TRPC3: variants seen among roughly 807,000 people sequenced by gnomAD.
TRPC3 encodes the protein transient receptor potential cation channel subfamily C member 3, also known as short transient receptor potential channel 3.
A neutral mutation model predicts 90.9 loss-of-function variants in TRPC3; 54 were observed. The ratio of observed to expected loss-of-function variants is 0.59; its 90% confidence interval spans 0.48 to 0.75. The LOEUF (loss-of-function observed/expected upper bound fraction) is 0.75. TRPC3 is among the 30% of genes least tolerant of loss of function. TRPC3 has a pLI of 0.00. For synonymous variants in TRPC3, 424 were observed against 450.9 expected (o/e 0.94, Z 0.75); for missense variants, 918 against 1,194.5 (o/e 0.77, Z 3.41).
chr4:121,899,676 G>T lies in TRPC3; in HGVS notation c.2483C>A (p.Ser828Tyr). 6.2e-7 allele frequency: 1 copy of T among 1,613,262 alleles called. No homozygotes were observed. The highest frequency in any genetic ancestry group is 1.1e-5 in the South Asian group (1 of 91,036). ...SKSRLNLFTQ[S>Y]NSRVFESHSF... Reference sequence around the variant, plus strand: ...GTGTGATTCAAAAACTCTTGAGTTAGACTGAGTGAAGAGGTTTAACTAGGA... The same window carrying T: ...GTGTGATTCAAAAACTCTTGAGTTATACTGAGTGAAGAGGTTTAACTAGGA... The change falls in exon 10 of 12, where the codon TCT (serine) becomes TAT (tyrosine). Residue 828 changes from serine (S) to tyrosine (Y), a missense_variant. Coordinates refer to ENST00000379645, the MANE Select transcript of TRPC3 (RefSeq NM_001130698.2).
chr4:121,933,002 T>G lies in TRPC3; in HGVS notation c.256A>C (p.Met86Leu). 6.2e-7 allele frequency: 1 copy of G among 1,605,830 alleles called. No individual in the cohort carries two copies. The highest frequency in any genetic ancestry group is 8.5e-7 in the Non-Finnish European group (1 of 1,175,172). The change falls in exon 2 of 12, where the codon ATG becomes CTG. Residue 86 changes from methionine (M) to leucine (L), a missense_variant. This residue lies in a region of TRPC3 where 609 missense variants were observed against 725.9 expected (regional missense o/e 0.84). Coordinates refer to ENST00000379645, the MANE Select transcript of TRPC3 (RefSeq NM_001130698.2). ...GCCTGGCGCCGGCCCTTCTCCCGCA[T>G]CACTGTCATGCGTCTCAGGGATGGG... ...GSPSLRRMTV[M>L]REKGRRQAVR...
In TRPC3 at chr4:121,878,328, A is replaced by G. The variant is rs1183721956; in HGVS notation, c.*1408T>C. Among the ~76,000 whole-genome samples, 2 of 152,222 alleles carry G rather than the reference A, an allele frequency of 1.3e-5. No individual in the cohort carries two copies. The highest frequency in any genetic ancestry group is 4.8e-5 in the African/African-American group (2 of 41,458). On this transcript the variant is annotated 3_prime_UTR_variant, in exon 12 of 12. Transcript: ENST00000379645. ...CTTATTTCTGTCTTCATGTCTAAAG[A>G]GCTTTTCTGCATGATAGCAATGATT...
chr4:121,924,930 T>C (rs1259348331), intron 3 of TRPC3, 88 bp downstream of exon 3: 14 of 1,410,398 alleles, frequency 9.9e-6, no homozygotes, highest in Non-Finnish European at 1.3e-5. Flanking sequence ...TCTAGTCTTA[T>C]TATTTTAATA....
In TRPC3 at chr4:121,882,229, C is replaced by T. The variant is rs181289354; in HGVS notation, c.2623+125G>A. ...TTTAGAAACGTAACATAAGATCCTC[C>T]TCCCATCTTAGAGGCATCCAAACTA... On this transcript the variant is annotated intron_variant, in intron 11 of 11. Coordinates refer to ENST00000379645, the MANE Select transcript of TRPC3 (RefSeq NM_001130698.2). 2,127 of 699,978 alleles carry T rather than the reference C, an allele frequency of 3.0e-3. 7 individuals carry two copies. The highest frequency in any genetic ancestry group is 0.012 in the Middle Eastern group (29 of 2,340). 43.4% of individuals were successfully genotyped at this position (699,978 alleles called of 1,614,324 possible). A position where few individuals can be genotyped will look rare whatever the true frequency, so the allele number is the denominator to read the frequency against.
intron 10 of TRPC3, among the ~76,000 whole-genome samples, chr4:121,885,984 G>C (rs1252094366): frequency 6.6e-6 from 1 of 152,160 alleles, no homozygotes; most frequent in Non-Finnish European, 1.5e-5. Context: ...CCTAGAGAGA[G>C]GTTCCAAAAC....
In TRPC3 at chr4:121,879,631, T is replaced by C. The variant is rs200676578; in HGVS notation, c.*105A>G. On this transcript the variant is annotated 3_prime_UTR_variant, in exon 12 of 12. Transcript: ENST00000379645. Reference sequence around the variant, plus strand: ...CTTTTAAAGGTTCACATGATAAAGGTAGTTAATACTAAAAATTTACATCAT... The same window carrying C: ...CTTTTAAAGGTTCACATGATAAAGGCAGTTAATACTAAAAATTTACATCAT... 1.3e-5 allele frequency: 16 copies of C among 1,210,296 alleles called. No individual in the cohort carries two copies. Among genetic ancestry groups the C allele is most frequent in the Admixed American group, 2.5e-5 (1 of 39,836 alleles). The allele number at this position is 1,210,296 out of a possible 1,614,324, so 75.0% of individuals were successfully genotyped here. A position where few individuals can be genotyped will look rare whatever the true frequency, so the allele number is the denominator to read the frequency against.
chr4:121,947,510 T>C (rs1349867140), intron 1 of TRPC3, among the ~76,000 whole-genome samples: 1 of 152,232 alleles, frequency 6.6e-6, no homozygotes, highest in Non-Finnish European at 1.5e-5. Context: ...TAATCTGAGT[T>C]ACAAGGCATT....
intron 10 of TRPC3, among the ~76,000 whole-genome samples, chr4:121,890,890 C>T (rs1218872299): frequency 6.6e-6 from 1 of 152,002 alleles, no homozygotes; most frequent in Non-Finnish European, 1.5e-5. Context: ...ACTTGGGAGG[C>T]TGAGGCAGGA....
chr4:121,945,026 CT>C (rs1730437984), intron 1 of TRPC3, among the ~76,000 whole-genome samples: 1 of 152,106 alleles, frequency 6.6e-6, no homozygotes, highest in South Asian at 2.1e-4. Flanking sequence ...AGATGAAATC[CT>C]TTCAAATTCA....
intron 7 of TRPC3, among the ~76,000 whole-genome samples, chr4:121,906,148 A>C (rs1728872298): frequency 6.6e-6 from 1 of 152,102 alleles, no homozygotes; most frequent in Non-Finnish European, 1.5e-5. Flanking sequence ...GACCTTATTT[A>C]AACTTTATTG....
Position 121,879,528 on chromosome 4 carries a change from G to A in TRPC3, c.*208C>T, listed in dbSNP as rs1560680361. 2 of 526,010 alleles carry A rather than the reference G, an allele frequency of 3.8e-6. No individual in the cohort carries two copies. The highest frequency in any genetic ancestry group is 6.4e-6 in the Non-Finnish European group (2 of 311,922). The allele number at this position is 526,010 out of a possible 1,614,324, so 32.6% of individuals were successfully genotyped here. A position where few individuals can be genotyped will look rare whatever the true frequency, so the allele number is the denominator to read the frequency against. ...GTAATATTGGGCTTTTCAACACAATGGTATGCCACTGTAATGTCAAAGCAG... is the reference window on the plus strand; with the variant it reads ...GTAATATTGGGCTTTTCAACACAATAGTATGCCACTGTAATGTCAAAGCAG... On this transcript the variant is annotated 3_prime_UTR_variant, in exon 12 of 12. Transcript: ENST00000379645.
At position 121,882,380 on chromosome 4, in the gene TRPC3, T is replaced by C; in HGVS notation, c.2597A>G (p.Asp866Gly). The C allele has an allele frequency of 6.2e-7, 1 of 1,610,424 alleles. No individual in the cohort carries two copies. The highest frequency in any genetic ancestry group is 8.5e-7 in the Non-Finnish European group (1 of 1,178,772). Residue 866 changes from aspartate (D) to glycine (G), a missense_variant, in exon 11 of 12, where the codon GAC becomes GGC. Around this residue, in one of 4 missense-constraint regions of TRPC3, gnomAD observed 41 missense variants for 69.4 expected, o/e 0.59. Coordinates refer to ENST00000379645, the MANE Select transcript of TRPC3 (RefSeq NM_001130698.2). Reference sequence around the variant, plus strand: ...TTCATTAACTTCATCATTTTCTTTGTCTACTTGTGCTTTCAAAACATACCG... The same window carrying C: ...TTCATTAACTTCATCATTTTCTTTGCCTACTTGTGCTTTCAAAACATACCG... ...IKRYVLKAQV[D>G]KENDEVNEGE... is the part of the protein sequence containing the mutation.
chr4:121,918,402 T>C (rs1729393983), intron 3 of TRPC3, among the ~76,000 whole-genome samples: 2 of 152,246 alleles, frequency 1.3e-5, no homozygotes, highest in Non-Finnish European at 2.9e-5. Flanking sequence ...CATATCTCCC[T>C]TTCCTACTCC....
Position 121,937,166 on chromosome 4 carries a change from G to T in TRPC3, c.216-4124C>A, listed in dbSNP as rs145975254. Among the ~76,000 whole-genome samples the T allele has an allele frequency of 4.1e-3, 624 of 152,300 alleles. 4 individuals carry two copies. Among genetic ancestry groups the T allele is most frequent in the East Asian group, 0.035 (184 of 5,184 alleles). The stretch of plus-strand genomic sequence containing the variant: ...CACCTGCCTCAAGGTCACTTGGACT[G>T]CTTGTTGAAATCAGATTTCTGGGCC... On this transcript the variant is annotated intron_variant, in intron 1 of 11. Transcript: ENST00000379645.
At chr4:121,941,361 T>C (rs1037230460) in intron 1 of TRPC3, among the ~76,000 whole-genome samples, 19 of 152,330 alleles carry the variant, frequency 1.2e-4, no homozygotes, top group African/African-American at 4.3e-4. Flanking sequence ...TCCAAAATGT[T>C]TGGATGGAGC....
chr4:121,918,916 T>C (rs1011159226), intron 3 of TRPC3, among the ~76,000 whole-genome samples: 2 of 152,230 alleles, frequency 1.3e-5, no homozygotes, highest in Non-Finnish European at 2.9e-5. Flanking sequence ...GTGACCTTTA[T>C]ACCTGAAAAG....
At chr4:121,935,868 G>A (rs985119372) in intron 1 of TRPC3, among the ~76,000 whole-genome samples, 8 of 152,126 alleles carry the variant, frequency 5.3e-5, no homozygotes, top group African/African-American at 1.9e-4. Context: ...ACACCAGGTT[G>A]AGAACATTAG....
intron 1 of TRPC3, among the ~76,000 whole-genome samples, chr4:121,934,713 C>A (rs1344044996): frequency 6.6e-6 from 1 of 152,154 alleles, no homozygotes; most frequent in Non-Finnish European, 1.5e-5. Flanking sequence ...GCTTCCCTGG[C>A]AAGAGGAATC....
rs201636398 is a variant in TRPC3 at position 121,932,768 on chromosome 4, C to T, written c.490G>A (p.Glu164Lys). 1.9e-6 allele frequency: 3 copies of T among 1,613,282 alleles called. No homozygotes were observed. Among genetic ancestry groups the T allele is most frequent in the Non-Finnish European group, 2.5e-6 (3 of 1,179,592 alleles). ...AGGTTCTCCTTCTTGAGCAGCAGCT[C>T]GGTCACCTCCAGGTGCTCGTTGCCC... ...AVGNEHLEVT[E>K]LLLKKENLAR... Residue 164 changes from glutamate (E) to lysine (K), a missense_variant, in exon 2 of 12, where the codon GAG (glutamate) becomes AAG (lysine). Physicochemically the swap from Glu to Lys is moderately conservative, Grantham distance 56 (BLOSUM62 1). Transcript: ENST00000379645. The surrounding 1 kb of genome is among the most constrained non-coding windows in gnomAD (Gnocchi z 7.7).
Sources: gnomAD v4.1 joint callset for allele counts (sites outside exome capture counted in the v4.1 genomes callset) on GRCh38, gnomAD v4.1.1 for gene constraint, gnomAD v4.1.1 regional missense constraint, Gnocchi (gnomAD v3.1) non-coding constraint, MANE v1.5 for transcripts, NCBI Gene and HGNC (gene_info 2026-07-23, HGNC 2026-07-21) for gene names.